The following COPA variants were observed in gnomAD, a reference collection of about 807,000 sequenced individuals.
COPA encodes the protein coat protein complex I subunit alpha.
A neutral mutation model predicts 158.7 loss-of-function variants in COPA; 10 were observed. The ratio of observed to expected loss-of-function variants is 0.06; its 90% confidence interval spans 0.04 to 0.11. The LOEUF (loss-of-function observed/expected upper bound fraction) is 0.11, where lower values mean the gene tolerates loss of function less well. Among genes scored for constraint, COPA ranks in the 10% least tolerant of loss-of-function variants. The probability of loss-of-function intolerance (pLI) is 1.00; values close to 1 mark genes in which losing one functional copy is unlikely to be tolerated. For missense variants in COPA, 1,065 were observed against 1,536.7 expected (o/e 0.69, Z 5.13); for synonymous variants, 462 against 542.8 (o/e 0.85, Z 2.07).
intron 8 of COPA, 108 bp from the exon 9 acceptor site, chr1:160,314,233 T>C (rs1659067119): frequency 2.5e-6 from 3 of 1,189,438 alleles, no homozygotes; most frequent in Non-Finnish European, 3.4e-6. Context: ...TACAGAATGC[T>C]AAATTGCCAA....
intron 16 of COPA, 39 bp from the exon 17 acceptor site, chr1:160,305,610 G>C (rs1354519136): frequency 6.2e-7 from 1 of 1,614,062 alleles, no homozygotes; most frequent in African/African-American, 1.3e-5. Flanking sequence ...TGTTGGATAG[G>C]GTAAGTGCCG....
chr1:160,329,939 C>G (rs112212388), intron 6 of COPA, among the ~76,000 whole-genome samples: 39 of 152,184 alleles, frequency 2.6e-4, no homozygotes, highest in African/African-American at 8.9e-4. Context: ...ATAGTGAAAC[C>G]CTGTCTCTAC....
intron 8 of COPA, among the ~76,000 whole-genome samples, chr1:160,318,468 T>TAAAAAAAAAAAAAAA (rs71090307): frequency 4.5e-4 from 7 of 15,648 alleles, no homozygotes; most frequent in African/African-American, 9.7e-4. Flanking sequence ...ACAATATTTG[T>TAAAAAAAAAAAAAAA]AAAAAAAAAA....
At chr1:160,328,337 T>C (rs1429946908) in intron 6 of COPA, among the ~76,000 whole-genome samples, 2 of 152,202 alleles carry the variant, frequency 1.3e-5, no homozygotes, top group Admixed American at 6.5e-5. Context: ...AATGGAAGGC[T>C]TTGTTGCATT....
chr1:160,323,910 G>A (rs1446583314), intron 7 of COPA, among the ~76,000 whole-genome samples: 3 of 152,086 alleles, frequency 2.0e-5, no homozygotes, highest in Non-Finnish European at 4.4e-5. Flanking sequence ...CACCCAGGCT[G>A]GAGTGCAGTG....
rs184904605 is a variant in COPA at position 160,290,921 on chromosome 1, C to T, written c.3421-235G>A. 1.1e-3 allele frequency among the ~76,000 whole-genome samples: 171 copies of T among 152,322 alleles called. 1 individual carries two copies. The highest frequency in any genetic ancestry group is 6.8e-3 in the Middle Eastern group (2 of 294). On this transcript the variant is annotated intron_variant, in intron 31 of 32. Transcript: ENST00000241704. ...TCCATAATCTAGACCCACATTCCTCCACCAACTCTAGAGATTATCAGGGTC... is the reference window on the plus strand; with the variant it reads ...TCCATAATCTAGACCCACATTCCTCTACCAACTCTAGAGATTATCAGGGTC...
chr1:160,309,295 T>G, intron 12 of COPA, 119 bp from the exon 13 acceptor site: 2 of 742,144 alleles, frequency 2.7e-6, no homozygotes, highest in Middle Eastern at 3.9e-4. Flanking sequence ...AAACCATACT[T>G]TTCTTACCCT....
chr1:160,294,191 C>T (rs1225115614), intron 25 of COPA, among the ~76,000 whole-genome samples: 1 of 152,146 alleles, frequency 6.6e-6, no homozygotes, highest in Non-Finnish European at 1.5e-5. Flanking sequence ...CAGGGTCTTG[C>T]TATGGTGCCC....
intron 28 of COPA, 121 bp from the exon 29 acceptor site, chr1:160,292,319 A>T: frequency 1.3e-6 from 2 of 1,547,406 alleles, no homozygotes; most frequent in Non-Finnish European, 1.8e-6. Flanking sequence ...GCTGGGGAAG[A>T]GGATGACAGC....
In COPA at chr1:160,341,647, A is replaced by T. The variant is rs371346302; in HGVS notation, c.41-1353T>A. Among the ~76,000 whole-genome samples the T allele has an allele frequency of 8.5e-5, 13 of 152,308 alleles. No homozygotes were observed. In the South Asian group the frequency reaches 2.7e-3, roughly 32 times the overall value. The stretch of plus-strand genomic sequence containing the variant: ...GTGCCCATTTTGCACACAGGCTGCT[A>T]TCAGCTATTTGTTGTTTTGTTTTAT... On this transcript the variant is annotated intron_variant, in intron 1 of 32. Transcript: ENST00000241704.
rs575888892 is a variant in COPA, at chr1:160,323,330, C to T, written c.706+101G>A. On this transcript the variant is annotated intron_variant, in intron 8 of 32. Transcript: ENST00000241704. ...TCCTGGGATTAGCATTAATTAATCA[C>T]CTAAGGTAGAAAAATAGGTCAGAGT... 1,118 of 733,330 alleles carry T rather than the reference C, an allele frequency of 1.5e-3. 2 individuals are homozygous for T. The highest frequency in any genetic ancestry group is 7.4e-3 in the Middle Eastern group (22 of 2,990). The allele number at this position is 733,330 out of a possible 1,614,324, so 45.4% of individuals were successfully genotyped here. A position where few individuals can be genotyped will look rare whatever the true frequency, so the allele number is the denominator to read the frequency against.
At position 160,293,254 on chromosome 1, in the gene COPA, C is replaced by A; in HGVS notation, c.2755-20G>T. 6.2e-7 allele frequency: 1 copy of A among 1,613,862 alleles called. No homozygotes were observed. The highest frequency in any genetic ancestry group is 1.3e-5 in the African/African-American group (1 of 75,022). ...CCAGATCTAACAAGAAACAAAAAAA[C>A]CCAAGCCAAGTGAAACTTTGTCCCT... On this transcript the variant is annotated intron_variant, in intron 26 of 32. Coordinates refer to ENST00000241704, the MANE Select transcript of COPA (RefSeq NM_004371.4).
Position 160,323,481 on chromosome 1 carries a change from A to T in COPA, c.656T>A (p.Leu219His), listed in dbSNP as rs1464389529. The T allele has an allele frequency of 6.2e-7, 1 of 1,610,858 alleles. No homozygotes were observed. The highest frequency in any genetic ancestry group is 8.5e-7 in the Non-Finnish European group (1 of 1,178,140). The stretch of plus-strand genomic sequence containing the variant: ...ACGATCATCTGCCCCAGATACAATA[A>T]GGGGCATAGTGGGGTGGAAGGCAGC... Reference protein sequence around the residue: ...NWAAFHPTMPLIVSGADDRQV... With the variant: ...NWAAFHPTMPHIVSGADDRQV... Residue 219 changes from leucine to histidine, a missense_variant, in exon 8 of 33, where the codon CTT becomes CAT. By Grantham distance (99) the Leu-to-His change is moderately conservative. This residue lies in a region of COPA where 980 missense variants were observed against 1,357.8 expected (regional missense o/e 0.72). Transcript: ENST00000241704.
chr1:160,338,593 G>A (rs192055870), intron 3 of COPA, among the ~76,000 whole-genome samples: 1 of 152,276 alleles, frequency 6.6e-6, no homozygotes, highest in East Asian at 1.9e-4. Flanking sequence ...TATTATGATA[G>A]TCAGTTGTCT....
chr1:160,342,892 T>A (rs1326223870), intron 1 of COPA, among the ~76,000 whole-genome samples: 2 of 152,144 alleles, frequency 1.3e-5, no homozygotes, highest in African/African-American at 4.8e-5. Flanking sequence ...GGAGGGGGTC[T>A]AAGGAATCCC....
At chr1:160,343,020 G>T in intron 1 of COPA, 111 bp downstream of exon 1, 1 of 1,298,702 alleles carries the variant, frequency 7.7e-7, no homozygotes, top group Non-Finnish European at 1.1e-6. Context: ...CTTCCTCCGG[G>T]TCCGTCTGGT....
chr1:160,312,467 A>C (rs1658997580), intron 10 of COPA, among the ~76,000 whole-genome samples: 1 of 151,636 alleles, frequency 6.6e-6, no homozygotes. Context: ...CTGTTTTTTA[A>C]AATGTTTTGC....
At position 160,299,175 on chromosome 1, in the gene COPA, C is replaced by T. The variant is rs145861956; in HGVS notation, c.1757G>A (p.Arg586His). The change falls in exon 18 of 33, where the codon CGT becomes CAT. Residue 586 changes from arginine to histidine, a missense_variant. Physicochemically the swap from Arg to His is conservative, Grantham distance 29. This residue lies in a region of COPA where 980 missense variants were observed against 1,357.8 expected (regional missense o/e 0.72). Coordinates refer to ENST00000241704, the MANE Select transcript of COPA (RefSeq NM_004371.4). ...NNVYCLDREC[R>H]PRVLTIDPTE... Reference sequence around the variant, plus strand: ...GGGATCAATGGTGAGTACCCGGGGACGACACTCCCTGTCTAGGCAGTATAC... The same window carrying T: ...GGGATCAATGGTGAGTACCCGGGGATGACACTCCCTGTCTAGGCAGTATAC... The T allele has an allele frequency of 2.1e-5, 34 of 1,614,124 alleles. No individual in the cohort carries two copies. The highest frequency in any genetic ancestry group is 2.0e-4 in the East Asian group (9 of 44,886).
chr1:160,317,964 A>G (rs1047756563), intron 8 of COPA, among the ~76,000 whole-genome samples: 2 of 152,170 alleles, frequency 1.3e-5, no homozygotes, highest in African/African-American at 4.8e-5. Flanking sequence ...CACCTTTTTC[A>G]GGACATTGCA....
Sources: gnomAD v4.1 joint callset for allele counts (sites outside exome capture counted in the v4.1 genomes callset) on GRCh38, gnomAD v4.1.1 for gene constraint, gnomAD v4.1.1 regional missense constraint, MANE v1.5 for transcripts, NCBI Gene and HGNC (gene_info 2026-07-23, HGNC 2026-07-21) for gene names.